Variants in ITPKB observed in about 807,000 individuals in gnomAD.
ITPKB encodes inositol-trisphosphate 3-kinase B, also known as IP3 3-kinase B.
A neutral mutation model predicts 69.4 loss-of-function variants in ITPKB; 13 were observed. The ratio of observed to expected loss-of-function variants is 0.19; its 90% CI spans 0.12 to 0.30. The LOEUF (loss-of-function observed/expected upper bound fraction) is 0.30, where lower values mean the gene tolerates loss of function less well. Ranked by LOEUF, ITPKB falls within the 10% of genes least tolerant of loss-of-function variation. The pLI is 1.00. For missense variants in ITPKB, 1,240 were observed against 1,250.5 expected (o/e 0.99, Z 0.13); for synonymous variants, 584 against 513.7 (o/e 1.14, Z -1.85).
chr1:226,668,084 G>A (rs898008226), intron 2 of ITPKB, among the ~76,000 whole-genome samples: 1 of 152,030 alleles, frequency 6.6e-6, no homozygotes, highest in African/African-American at 2.4e-5. Context: ...GAAACTGATG[G>A]GCTTTTTACC....
In ITPKB at chr1:226,637,552, C is replaced by T; in HGVS notation, c.2625+127G>A. On this transcript the variant is annotated intron_variant, in intron 7 of 7. Coordinates refer to ENST00000429204, the MANE Select transcript of ITPKB (RefSeq NM_002221.4). This position sits in a 1 kb window ranked among gnomAD's most constrained non-coding sequence, Gnocchi z 4.3. ...TCCCCCGTGCAGCGAGGGTCTGGTC[C>T]CTGATGGCCTGCCTCTGGCTGCACC... 1 of 727,624 alleles carries T rather than the reference C, an allele frequency of 1.4e-6. No individual in the cohort carries two copies. The highest frequency in any genetic ancestry group is 2.4e-6 in the Non-Finnish European group (1 of 412,492). The allele number at this position is 727,624 out of a possible 1,614,324, so 45.1% of individuals were successfully genotyped here.
chr1:226,644,376 G>C (rs1225113139), intron 4 of ITPKB, among the ~76,000 whole-genome samples: 1 of 152,210 alleles, frequency 6.6e-6, no homozygotes, highest in Non-Finnish European at 1.5e-5. Flanking sequence ...GGGGGAGGAG[G>C]GGACTCAAGA....
At chr1:226,639,122 A>G (rs535869118) in intron 6 of ITPKB, among the ~76,000 whole-genome samples, 1 of 151,160 alleles carries the variant, frequency 6.6e-6, no homozygotes, top group East Asian at 2.0e-4. Context: ...CAATGGCAAA[A>G]TCTCAGCTCA....
intron 2 of ITPKB, among the ~76,000 whole-genome samples, chr1:226,732,498 A>C (rs1259629899): frequency 6.6e-6 from 1 of 151,492 alleles, no homozygotes; most frequent in Non-Finnish European, 1.5e-5. Context: ...TTGGCCTCCG[A>C]AAGTGCTGGG....
At chr1:226,734,589 C>G (rs1465655925) in intron 2 of ITPKB, among the ~76,000 whole-genome samples, 4 of 152,142 alleles carry the variant, frequency 2.6e-5, no homozygotes, top group Non-Finnish European at 5.9e-5. Flanking sequence ...AAGAGAAAGC[C>G]CAGACCTTTT....
intron 4 of ITPKB, among the ~76,000 whole-genome samples, chr1:226,646,321 C>A (rs1238843807): frequency 6.6e-6 from 1 of 152,178 alleles, no homozygotes; most frequent in Non-Finnish European, 1.5e-5. Context: ...GAGAAGGAGC[C>A]GTGCTGTGGA....
intron 2 of ITPKB, among the ~76,000 whole-genome samples, chr1:226,698,914 G>A (rs867191980): frequency 6.6e-6 from 1 of 152,222 alleles, no homozygotes; most frequent in African/African-American, 2.4e-5. Flanking sequence ...GGGCTGAGCT[G>A]GGCAGTGCAA....
intron 4 of ITPKB, among the ~76,000 whole-genome samples, chr1:226,645,783 G>A (rs1464208529): frequency 6.6e-6 from 1 of 152,156 alleles, no homozygotes; most frequent in African/African-American, 2.4e-5. Context: ...CCTATCCCAG[G>A]TCCCTGTGGG....
Position 226,673,105 on chromosome 1 carries a change from C to T in ITPKB, c.1933-24334G>A, listed in dbSNP as rs550672264. Among the ~76,000 whole-genome samples the T allele has an allele frequency of 1.7e-3, 256 of 152,090 alleles. 2 individuals are homozygous for T. Among genetic ancestry groups the T allele is most frequent in the African/African-American group, 6.0e-3 (249 of 41,522 alleles). On this transcript the variant is annotated intron_variant, in intron 2 of 7. Transcript: ENST00000429204. ...AACAGGGATGGGCCGGATGCAGTAG[C>T]TCATGCCTGTAATCCCAACACTTTG...
At chr1:226,670,108 A>C (rs1395604858) in intron 2 of ITPKB, among the ~76,000 whole-genome samples, 1 of 146,292 alleles carries the variant, frequency 6.8e-6, no homozygotes, top group South Asian at 2.2e-4. Flanking sequence ...CCCTGACCTC[A>C]AGTGATCCGC....
rs986482565 is a variant in ITPKB at position 226,739,073 on chromosome 1, G to A, written c.-238C>T. ...TTCTCAGATTCTCAGGTCCTGTGTA[G>A]ACTACATGCCCAGAGGCGCAAACCT... On this transcript the variant is annotated 5_prime_UTR_variant, in exon 1 of 8. Coordinates refer to ENST00000429204, the MANE Select transcript of ITPKB (RefSeq NM_002221.4). 1 of 152,194 alleles carries A rather than the reference G, an allele frequency of 6.6e-6. No individual in the cohort carries two copies. Among genetic ancestry groups the A allele is most frequent in the Non-Finnish European group, 1.5e-5 (1 of 68,048 alleles). 9.4% of individuals were successfully genotyped at this position (152,194 alleles called of 1,614,324 possible).
At position 226,644,344 on chromosome 1, in the gene ITPKB, G is replaced by A. The variant is rs149246552; in HGVS notation, c.2247-2219C>T. On this transcript the variant is annotated intron_variant, in intron 4 of 7. Coordinates refer to ENST00000429204, the MANE Select transcript of ITPKB (RefSeq NM_002221.4). Reference sequence around the variant, plus strand: ...AAGCCATGCAGGGAAGCAGAGACCTGCTCGCCCACTCACAGGACGCTGGGG... The same window carrying A: ...AAGCCATGCAGGGAAGCAGAGACCTACTCGCCCACTCACAGGACGCTGGGG... 4.9e-3 allele frequency among the ~76,000 whole-genome samples: 751 copies of A among 152,318 alleles called. 6 individuals are homozygous for A. Among genetic ancestry groups the A allele is most frequent in the African/African-American group, 0.017 (707 of 41,572 alleles).
rs368531804 is a variant in ITPKB, at chr1:226,634,732, G to A, written c.2780C>T (p.Ser927Leu). ...GATGTCGACGAGGTTATTGAGCCCC[G>A]AGAGGTAGCCATCCTCCCGGTTCCC... ...QEGNREDGYL[S>L]GLNNLVDILT... is the part of the protein sequence containing the mutation. Residue 927 changes from serine (S) to leucine (L), a missense_variant, in exon 8 of 8, where the codon TCG (serine) becomes TTG (leucine). Transcript: ENST00000429204. The surrounding 1 kb of genome is among the most constrained non-coding windows in gnomAD (Gnocchi z 6.3). 29 of 1,127,558 alleles carry A rather than the reference G, an allele frequency of 2.6e-5. No homozygotes were observed. The highest frequency in any genetic ancestry group is 3.4e-5 in the Non-Finnish European group (25 of 735,990). The allele number at this position is 1,127,558 out of a possible 1,614,324, so 69.8% of individuals were successfully genotyped here.
chr1:226,666,443 AGGGGCTCTG>A (rs982990028), intron 2 of ITPKB, among the ~76,000 whole-genome samples: 2 of 152,164 alleles, frequency 1.3e-5, no homozygotes, highest in African/African-American at 4.8e-5. Context: ...CAGGGGCTCC[AGGGGCTCTG>A]GGAAGATAGA....
intron 2 of ITPKB, among the ~76,000 whole-genome samples, chr1:226,680,291 C>A (rs755859681): frequency 3.9e-5 from 6 of 152,186 alleles, no homozygotes; most frequent in Non-Finnish European, 8.8e-5. Context: ...ATCAGCATGA[C>A]CCCAAAAGAG....
In ITPKB at chr1:226,642,852, G is replaced by A. The variant is rs757286730; in HGVS notation, c.2247-727C>T. On this transcript the variant is annotated intron_variant, in intron 4 of 7. Coordinates refer to ENST00000429204, the MANE Select transcript of ITPKB (RefSeq NM_002221.4). The surrounding 1 kb of genome is among the most constrained non-coding windows in gnomAD (Gnocchi z 6.4). ...CTCAGGCAGCCTGAAGGCTGAGCCT[G>A]CCCATAAGTGTCTCTGGCTCTTTCC... 1.3e-5 allele frequency among the ~76,000 whole-genome samples: 2 copies of A among 152,226 alleles called. No individual in the cohort carries two copies. The highest frequency in any genetic ancestry group is 2.9e-5 in the Non-Finnish European group (2 of 68,046).
intron 2 of ITPKB, among the ~76,000 whole-genome samples, chr1:226,706,879 G>A (rs1034785250): frequency 6.6e-6 from 1 of 152,176 alleles, no homozygotes; most frequent in Non-Finnish European, 1.5e-5. Context: ...GACTGGGGTG[G>A]CTGGATATGG....
intron 2 of ITPKB, among the ~76,000 whole-genome samples, chr1:226,700,777 C>T (rs1447815174): frequency 6.6e-6 from 1 of 152,098 alleles, no homozygotes; most frequent in African/African-American, 2.4e-5. Flanking sequence ...AGCCCCTCTA[C>T]CTTTATCAGA....
At chr1:226,636,793 T>TGTGTGTGA (rs1553315945) in intron 7 of ITPKB, among the ~76,000 whole-genome samples, 1 of 130,660 alleles carries the variant, frequency 7.7e-6, no homozygotes, top group Non-Finnish European at 1.5e-5. Context: ...TGTGTGTGTG[T>TGTGTGTGA]GAGACTGGGA....
Sources: allele counts gnomAD v4.1 joint callset (sites outside exome capture counted in the v4.1 genomes callset), GRCh38; gene constraint gnomAD v4.1.1; non-coding constraint Gnocchi (gnomAD v3.1); transcripts MANE v1.5; gene names NCBI Gene and HGNC (gene_info 2026-07-23, HGNC 2026-07-21).